The following WDR27 variants were observed in gnomAD, a reference collection of about 807,000 sequenced individuals.
WDR27 encodes WD repeat domain 27.
Under a neutral mutation model 114.4 loss-of-function variants are expected in WDR27, and 100 were observed. The observed-to-expected ratio is 0.87, with a 90% CI of 0.74 to 1.03. WDR27 has a LOEUF of 1.03. Among genes scored for constraint, WDR27 ranks in the 50% least tolerant of loss-of-function variants. The pLI is 0.00. For missense variants in WDR27, 1,129 were observed against 1,092.9 expected, an observed-to-expected ratio of 1.03 and a Z score of -0.47; for synonymous variants, 449 against 423.1, an observed-to-expected ratio of 1.06 and a Z score of -0.75.
chr6:169,499,980 C>T (rs1289902568), intron 25 of WDR27, among the ~76,000 whole-genome samples: 3 of 152,192 alleles, frequency 2.0e-5, no homozygotes, highest in Non-Finnish European at 4.4e-5. Flanking sequence ...CCCACGGTTC[C>T]TTCCCCCAGC....
intron 7 of WDR27, 39 bp downstream of exon 7, chr6:169,665,447 A>G (rs764798706): frequency 6.3e-7 from 1 of 1,593,550 alleles, no homozygotes; most frequent in Non-Finnish European, 8.5e-7. Flanking sequence ...ACGTTCAGGC[A>G]TGTCTGGGAA....
intron 21 of WDR27, among the ~76,000 whole-genome samples, chr6:169,631,356 G>C (rs1246992719): frequency 6.6e-6 from 1 of 150,692 alleles, no homozygotes; most frequent in Non-Finnish European, 1.5e-5. Flanking sequence ...TTTCCATGGT[G>C]TTATTCAAAC....
the WDR27 span, among the ~76,000 whole-genome samples, chr6:169,450,274 C>T: frequency 1.3e-5 from 2 of 151,916 alleles, no homozygotes; most frequent in Non-Finnish European, 2.9e-5. Context: ...CCCCAGGCAG[C>T]AGGGAGCCCT....
intron 25 of WDR27, among the ~76,000 whole-genome samples, chr6:169,563,665 T>C (rs557624921): frequency 1.9e-4 from 29 of 152,314 alleles, no homozygotes; most frequent in Non-Finnish European, 4.0e-4. Context: ...ATCATTAAGA[T>C]ATAAGTTTAA....
At chr6:169,588,846 A>C (rs918178331) in intron 23 of WDR27, among the ~76,000 whole-genome samples, 2 of 152,206 alleles carry the variant, frequency 1.3e-5, no homozygotes, top group Non-Finnish European at 2.9e-5. Context: ...ACAATAACGG[A>C]CCAAGGTGCA....
intron 25 of WDR27, among the ~76,000 whole-genome samples, chr6:169,509,174 G>T (rs545422170): frequency 1.3e-5 from 2 of 152,322 alleles, no homozygotes; most frequent in Non-Finnish European, 2.9e-5. Flanking sequence ...CGGGTAGGAA[G>T]AACCAATATC....
chr6:169,492,641 C>G (rs1299057370), intron 25 of WDR27, among the ~76,000 whole-genome samples: 1 of 151,822 alleles, frequency 6.6e-6, no homozygotes, highest in Non-Finnish European at 1.5e-5. Context: ...GAAATTACGA[C>G]TTACTTTCCA....
intron 25 of WDR27, among the ~76,000 whole-genome samples, chr6:169,508,176 C>T (rs1457799065): frequency 6.6e-6 from 1 of 152,094 alleles, no homozygotes; most frequent in Non-Finnish European, 1.5e-5. Flanking sequence ...ATAAAATCGG[C>T]CCAACTCACA....
chr6:169,637,974 G>C (rs1005709288), intron 18 of WDR27, among the ~76,000 whole-genome samples: 1 of 152,234 alleles, frequency 6.6e-6, no homozygotes, highest in African/African-American at 2.4e-5. Flanking sequence ...ATGTATATGC[G>C]TCTGTGCCTA....
At chr6:169,462,326 A>T (rs1391750201) in intron 25 of WDR27, among the ~76,000 whole-genome samples, 1 of 151,898 alleles carries the variant, frequency 6.6e-6, no homozygotes, top group East Asian at 1.9e-4. Context: ...AATCCCAGCT[A>T]CTCGAGAGGC....
At chr6:169,624,197 T>C (rs778987021) in intron 21 of WDR27, among the ~76,000 whole-genome samples, 11 of 145,690 alleles carry the variant, frequency 7.6e-5, no homozygotes, top group Non-Finnish European at 1.3e-4. Context: ...GCATCAGGTG[T>C]GCGGCATGTG....
chr6:169,622,955 G>A (rs1422255875), intron 21 of WDR27, among the ~76,000 whole-genome samples: 5 of 152,290 alleles, frequency 3.3e-5, no homozygotes, highest in Admixed American at 6.5e-5. Flanking sequence ...CTTGCCTGGG[G>A]ACCAGACTGC....
intron 25 of WDR27, among the ~76,000 whole-genome samples, chr6:169,566,524 T>G (rs1380165959): frequency 6.6e-6 from 1 of 152,230 alleles, no homozygotes. Flanking sequence ...AGAAATGACA[T>G]AAATATTTTG....
intron 25 of WDR27, among the ~76,000 whole-genome samples, chr6:169,493,231 GT>G (rs1470774846): frequency 6.6e-6 from 1 of 151,990 alleles, no homozygotes; most frequent in Non-Finnish European, 1.5e-5. Flanking sequence ...CAATACCACT[GT>G]TAATATAAAA....
At chr6:169,496,051 T>G (rs112335949) in intron 25 of WDR27, among the ~76,000 whole-genome samples, 6,384 of 152,068 alleles carry the variant, frequency 0.042, 170 homozygotes, top group Non-Finnish European at 0.065. Context: ...AACAGCATAT[T>G]AAAAGGATTA....
At chr6:169,581,638 G>C (rs967490246) in intron 24 of WDR27, among the ~76,000 whole-genome samples, 1 of 152,234 alleles carries the variant, frequency 6.6e-6, no homozygotes, top group African/African-American at 2.4e-5. Context: ...AGATGAATTA[G>C]GGCCAAGGAT....
chr6:169,497,679 A>G (rs1390404355), intron 25 of WDR27, among the ~76,000 whole-genome samples: 6 of 152,184 alleles, frequency 3.9e-5, no homozygotes, highest in Admixed American at 3.3e-4. Context: ...CATTTGGGAA[A>G]CGCAAAACAA....
At chr6:169,511,851 T>C (rs1417323307) in intron 25 of WDR27, among the ~76,000 whole-genome samples, 1 of 152,170 alleles carries the variant, frequency 6.6e-6, no homozygotes, top group Non-Finnish European at 1.5e-5. Context: ...TAATTTACTG[T>C]TTTATAATCT....
chr6:169,468,795 T>C (rs2115318277), intron 25 of WDR27, among the ~76,000 whole-genome samples: 1 of 152,308 alleles, frequency 6.6e-6, no homozygotes, highest in South Asian at 2.1e-4. Context: ...TAAACACAGA[T>C]ATGTAATTCT....
Sources: gnomAD v4.1 joint callset for allele counts (sites outside exome capture counted in the v4.1 genomes callset) on GRCh38, gnomAD v4.1.1 for gene constraint, MANE v1.5 for transcripts, NCBI Gene and HGNC (gene_info 2026-07-23, HGNC 2026-07-21) for gene names.